SMAD4: variants seen among roughly 807,000 people sequenced by gnomAD.
SMAD4 encodes the protein MAD homolog 4.
SMAD4 carries 7 observed loss-of-function variants against 63.2 expected under a neutral mutation model. The observed-to-expected ratio is 0.11, with a 90% CI of 0.06 to 0.21. The LOEUF (loss-of-function observed/expected upper bound fraction) is 0.21, where lower values mean the gene tolerates loss of function less well. SMAD4 is among the 10% of genes least tolerant of loss of function. SMAD4 has a pLI of 1.00. For missense variants in SMAD4, 312 were observed against 693.8 expected, an observed-to-expected ratio of 0.45 and a Z score of 6.18; for synonymous variants, 215 against 235.4, an observed-to-expected ratio of 0.91 and a Z score of 0.79.
chr18:51,053,600 G>A (rs1909766676), intron 4 of SMAD4: 1 of 152,086 alleles, frequency 6.6e-6, no homozygotes, highest in Non-Finnish European at 1.5e-5. Context: ...TACTTCTTAA[G>A]AGGTTTTTAA....
Position 51,078,396 on chromosome 18 carries a change from C to A in SMAD4, c.1588C>A (p.His530Asn), listed in dbSNP as rs754393017. Residue 530 changes from histidine (H) to asparagine (N), a missense_variant, in exon 12 of 12, where the codon CAC becomes AAC. Around this residue, in one of 4 missense-constraint regions of SMAD4, gnomAD observed 92 missense variants for 305.9 expected, o/e 0.30. Transcript: ENST00000342988. ...ETPCWIEIHL[H>N]RALQLLDEVL... ...ACCTTGCTGGATTGAAATTCACTTA[C>A]ACCGGGCCCTCCAGCTCCTAGACGA... 3.1e-6 allele frequency: 5 copies of A among 1,614,108 alleles called. No homozygotes were observed. The highest frequency in any genetic ancestry group is 4.2e-6 in the Non-Finnish European group (5 of 1,180,034).
At chr18:51,055,103 T>A (rs1909808670) in intron 5 of SMAD4, 110 bp downstream of exon 5, 4 of 821,632 alleles carry the variant, frequency 4.9e-6, no homozygotes, top group Non-Finnish European at 8.5e-6. Flanking sequence ...TAAAAGTAAC[T>A]GTAGTATCTT....
intron 1 of SMAD4, among the ~76,000 whole-genome samples, chr18:51,032,231 C>T (rs1244972783): frequency 6.6e-6 from 1 of 152,084 alleles, no homozygotes; most frequent in Non-Finnish European, 1.5e-5. Context: ...TTTTTCTTTG[C>T]TTTCCAGGTT....
chr18:51,076,862 G>A (rs2144475279), intron 11 of SMAD4, 86 bp downstream of exon 11: 1 of 1,086,558 alleles, frequency 9.2e-7, no homozygotes, highest in Non-Finnish European at 1.3e-6. Flanking sequence ...TCTTTGAGCA[G>A]TAATAGAAAT....
chr18:51,062,569 G>A (rs906431623), intron 8 of SMAD4, among the ~76,000 whole-genome samples: 2 of 151,666 alleles, frequency 1.3e-5, no homozygotes, highest in Non-Finnish European at 2.9e-5. Flanking sequence ...CATGCAATTC[G>A]GCTCACTGCA....
chr18:51,083,835 A>AG lies in SMAD4; in HGVS notation c.*5373dup, dbSNP rs1910670400. ...TTCCTTATCTTTGTTCTGCTGTTTGAGGGGGCTTTTTACTTATTTCCATGT... is the reference window on the plus strand; with the variant it reads ...TTCCTTATCTTTGTTCTGCTGTTTGAGGGGGGCTTTTTACTTATTTCCATGT... On this transcript the variant is annotated 3_prime_UTR_variant, in exon 12 of 12. Transcript: ENST00000342988. 1.3e-5 allele frequency: 3 copies of AG among 230,940 alleles called. No homozygotes were observed. The highest frequency in any genetic ancestry group is 2.6e-5 in the Non-Finnish European group (3 of 116,620). The allele number at this position is 230,940 out of a possible 1,614,324, so 14.3% of individuals were successfully genotyped here.
At chr18:51,065,019 A>G (rs1910109902) in intron 8 of SMAD4, among the ~76,000 whole-genome samples, 2 of 152,242 alleles carry the variant, frequency 1.3e-5, no homozygotes, top group African/African-American at 4.8e-5. Flanking sequence ...GACTACATAG[A>G]GAATATGTGT....
chr18:51,035,943 G>A (rs1296840001), intron 1 of SMAD4, among the ~76,000 whole-genome samples: 1 of 152,194 alleles, frequency 6.6e-6, no homozygotes, highest in African/African-American at 2.4e-5. Context: ...AGTGCCTCTT[G>A]ATTCTAAAGG....
chr18:51,044,543 C>A (rs1909481777), intron 1 of SMAD4, among the ~76,000 whole-genome samples: 1 of 152,038 alleles, frequency 6.6e-6, no homozygotes, highest in African/African-American at 2.4e-5. Flanking sequence ...CAGGCGTGTG[C>A]CACCACACCC....
intron 1 of SMAD4, among the ~76,000 whole-genome samples, chr18:51,034,016 AC>A (rs1271113663): frequency 1.3e-5 from 2 of 152,210 alleles, no homozygotes; most frequent in African/African-American, 2.4e-5. Context: ...GGGTCTGTTA[AC>A]ATTTTAATCA....
intron 10 of SMAD4, among the ~76,000 whole-genome samples, chr18:51,068,262 A>T (rs1299486171): frequency 6.6e-6 from 1 of 152,222 alleles, no homozygotes. Context: ...GAAAATAATA[A>T]ACCACATGTA....
intron 10 of SMAD4, among the ~76,000 whole-genome samples, chr18:51,067,512 A>C (rs1233631510): frequency 1.3e-5 from 2 of 152,082 alleles, no homozygotes. Flanking sequence ...TCCTGGGTTC[A>C]AGCAATTCTC....
Position 51,078,746 on chromosome 18 carries a change from G to A in SMAD4, c.*279G>A, listed in dbSNP as rs1910535561. ...TGTTATGTATGAAGGAATCATTCCAGTGCTAGAAAATTTAGCCCTTTAAAA... is the reference window on the plus strand; with the variant it reads ...TGTTATGTATGAAGGAATCATTCCAATGCTAGAAAATTTAGCCCTTTAAAA... On this transcript the variant is annotated 3_prime_UTR_variant, in exon 12 of 12. Transcript: ENST00000342988. 2.4e-6 allele frequency: 1 copy of A among 413,932 alleles called. No homozygotes were observed. Among genetic ancestry groups the A allele is most frequent in the Non-Finnish European group, 4.3e-6 (1 of 230,278 alleles). 25.6% of individuals were successfully genotyped at this position (413,932 alleles called of 1,614,324 possible). A position where few individuals can be genotyped will look rare whatever the true frequency, so the allele number is the denominator to read the frequency against.
chr18:51,044,941 A>C (rs959069339), intron 1 of SMAD4: 7 of 152,242 alleles, frequency 4.6e-5, no homozygotes, highest in Non-Finnish European at 1.0e-4. Context: ...AATGTGGGCA[A>C]GTGCTCTAAG....
In SMAD4 at chr18:51,062,851, G is replaced by GTTTTTTTTTTTTTTTTTTTTT. The variant is rs71171374; in HGVS notation, c.956-2568_956-2548dup. On this transcript the variant is annotated intron_variant, in intron 8 of 11. Coordinates refer to ENST00000342988, the MANE Select transcript of SMAD4 (RefSeq NM_005359.6). ...ACAGTCTAGTAATCTGGCTTTACTT[G>GTTTTTTTTTTTTTTTTTTTTT]TTTTTTTTTTTTTTTTTTTTTTTTG... Among the ~76,000 whole-genome samples the GTTTTTTTTTTTTTTTTTTTTT allele has an allele frequency of 4.6e-5, 3 of 65,394 alleles. 1 individual carries two copies. Among genetic ancestry groups the GTTTTTTTTTTTTTTTTTTTTT allele is most frequent in the African/African-American group, 1.9e-4 (3 of 15,672 alleles). 42.9% of individuals were successfully genotyped at this position (65,394 alleles called of 152,430 possible).
intron 9 of SMAD4, 127 bp downstream of exon 9, chr18:51,065,733 T>C (rs949035800): frequency 5.5e-6 from 4 of 723,014 alleles, no homozygotes; most frequent in African/African-American, 1.8e-5. Flanking sequence ...ATAAAGGTCA[T>C]GTTGAAAACT....
intron 1 of SMAD4, among the ~76,000 whole-genome samples, chr18:51,039,172 C>A (rs910599686): frequency 2.5e-4 from 38 of 152,274 alleles, no homozygotes; most frequent in African/African-American, 8.9e-4. Context: ...TTTAAAGTAA[C>A]TATTTCTATG....
In SMAD4 at chr18:51,065,748, A is replaced by T. The variant is rs781627029; in HGVS notation, c.1139+142A>T. The stretch of plus-strand genomic sequence containing the variant: ...ATAAAGGTCATGTTGAAAACTCAGA[A>T]TTTGTAAGCACTCCATCTTAATTGT... On this transcript the variant is annotated intron_variant, in intron 9 of 11. Transcript: ENST00000342988. The T allele has an allele frequency of 1.4e-3, 904 of 634,028 alleles. 3 individuals are homozygous for T. Among genetic ancestry groups the T allele is most frequent in the Non-Finnish European group, 1.9e-3 (718 of 383,232 alleles). 39.3% of individuals were successfully genotyped at this position (634,028 alleles called of 1,614,324 possible).
rs1206789971 is a variant in SMAD4, at chr18:51,081,358, T to C, written c.*2891T>C. 2 of 229,550 alleles carry C rather than the reference T, an allele frequency of 8.7e-6. No homozygotes were observed. The highest frequency in any genetic ancestry group is 1.7e-5 in the Non-Finnish European group (2 of 115,884). 14.2% of individuals were successfully genotyped at this position (229,550 alleles called of 1,614,324 possible). A position where few individuals can be genotyped will look rare whatever the true frequency, so the allele number is the denominator to read the frequency against. ...TTCAGTGCATTATCAAAGGGAATCC[T>C]TCATGGTGTTGCCTTTATTTTCCGG... On this transcript the variant is annotated 3_prime_UTR_variant, in exon 12 of 12. Transcript: ENST00000342988.
Sources: gnomAD v4.1 joint callset for allele counts (sites outside exome capture counted in the v4.1 genomes callset) on GRCh38, gnomAD v4.1.1 for gene constraint, gnomAD v4.1.1 regional missense constraint, MANE v1.5 for transcripts, NCBI Gene and HGNC (gene_info 2026-07-23, HGNC 2026-07-21) for gene names.